The following ATP9B variants were observed in gnomAD, a reference collection of about 807,000 sequenced individuals.
The protein encoded by ATP9B is ATPase phospholipid transporting 9B.
A neutral mutation model predicts 146.1 loss-of-function variants in ATP9B; 110 were observed. That is an observed-to-expected ratio of 0.75 (90% CI 0.65 to 0.88). The LOEUF (loss-of-function observed/expected upper bound fraction) is 0.88. Among genes scored for constraint, ATP9B ranks in the 40% least tolerant of loss-of-function variants. The pLI, the probability that ATP9B is intolerant of heterozygous loss-of-function variation, is 0.00. For missense variants in ATP9B, 1,499 were observed against 1,496.4 expected, an observed-to-expected ratio of 1.00 and a Z score of -0.03; for synonymous variants, 604 against 569.7, an observed-to-expected ratio of 1.06 and a Z score of -0.86.
At chr18:79,360,306 T>A (rs556590908) in intron 26 of ATP9B, 1 of 152,318 alleles carries the variant, frequency 6.6e-6, no homozygotes, top group South Asian at 2.1e-4. Context: ...AAATGACAGG[T>A]GTCTGAAATT....
At chr18:79,232,557 C>T (rs978630498) in intron 11 of ATP9B, among the ~76,000 whole-genome samples, 3 of 152,204 alleles carry the variant, frequency 2.0e-5, no homozygotes, top group African/African-American at 7.2e-5. Context: ...TTATCTCATA[C>T]ATCATATCCA....
chr18:79,204,169 G>A (rs1368574288), intron 9 of ATP9B, among the ~76,000 whole-genome samples: 1 of 152,106 alleles, frequency 6.6e-6, no homozygotes, highest in African/African-American at 2.4e-5. Context: ...GTAAACAAAA[G>A]GCAGTTTCCA....
intron 7 of ATP9B, among the ~76,000 whole-genome samples, chr18:79,168,268 G>A (rs2095012431): frequency 2.6e-5 from 4 of 152,214 alleles, no homozygotes; most frequent in South Asian, 2.1e-4. Context: ...CAGGGGGTCC[G>A]TGGCTGCATC....
At chr18:79,266,066 C>T (rs1471453854) in intron 12 of ATP9B, among the ~76,000 whole-genome samples, 2 of 152,172 alleles carry the variant, frequency 1.3e-5, no homozygotes, top group East Asian at 1.9e-4. Context: ...AGTCTTAGTT[C>T]TGGGTTCTCT....
intron 1 of ATP9B, chr18:79,086,555 G>T (rs890986357): frequency 3.3e-5 from 5 of 149,680 alleles, no homozygotes; most frequent in Non-Finnish European, 5.9e-5. Context: ...TGAAGACAGA[G>T]TTGATAGTAG....
chr18:79,368,325 A>C (rs1418715630), intron 26 of ATP9B, among the ~76,000 whole-genome samples: 1 of 152,228 alleles, frequency 6.6e-6, no homozygotes, highest in African/African-American at 2.4e-5. Flanking sequence ...TGGAAGGTCG[A>C]GGCTGCGGTG....
chr18:79,202,471 C>T (rs1398901492), intron 9 of ATP9B, among the ~76,000 whole-genome samples: 1 of 152,050 alleles, frequency 6.6e-6, no homozygotes, highest in Non-Finnish European at 1.5e-5. Context: ...AAAATACTCT[C>T]CTTCAAAAAA....
intron 25 of ATP9B, among the ~76,000 whole-genome samples, chr18:79,359,057 C>G (rs902538740): frequency 1.3e-5 from 2 of 152,034 alleles, no homozygotes. Flanking sequence ...CATAAGATCT[C>G]GGTGCTATTC....
chr18:79,362,073 C>T (rs1568826721), intron 26 of ATP9B: 1 of 152,246 alleles, frequency 6.6e-6, no homozygotes, highest in Non-Finnish European at 1.5e-5. Flanking sequence ...AGTTCTGAGT[C>T]ACATATCTCA....
chr18:79,274,369 CA>C (rs35941546), intron 12 of ATP9B, among the ~76,000 whole-genome samples: 1 of 152,144 alleles, frequency 6.6e-6, no homozygotes, highest in Non-Finnish European at 1.5e-5. Flanking sequence ...TATTAACAAT[CA>C]AAGTACATGT....
intron 2 of ATP9B, among the ~76,000 whole-genome samples, chr18:79,102,018 T>C (rs1425190911): frequency 6.6e-6 from 1 of 152,170 alleles, no homozygotes; most frequent in Admixed American, 6.5e-5. Flanking sequence ...CGATCTTGGC[T>C]CACTGCAACT....
intron 7 of ATP9B, among the ~76,000 whole-genome samples, chr18:79,155,051 T>G (rs1329482327): frequency 6.6e-6 from 1 of 152,236 alleles, no homozygotes; most frequent in Non-Finnish European, 1.5e-5. Flanking sequence ...TACTTAAAAT[T>G]TGATGGCTAT....
intron 11 of ATP9B, among the ~76,000 whole-genome samples, chr18:79,220,254 A>G (rs1300497079): frequency 6.6e-6 from 1 of 152,222 alleles, no homozygotes; most frequent in African/African-American, 2.4e-5. Context: ...ACACTGGATT[A>G]TCTAAAATTA....
chr18:79,168,783 C>T (rs1467833445), intron 7 of ATP9B, among the ~76,000 whole-genome samples: 1 of 152,126 alleles, frequency 6.6e-6, no homozygotes, highest in African/African-American at 2.4e-5. Flanking sequence ...AATTCCATTA[C>T]TCCTTCCTTA....
intron 9 of ATP9B, among the ~76,000 whole-genome samples, chr18:79,205,948 T>TC (rs1248765131): frequency 6.6e-6 from 1 of 152,198 alleles, no homozygotes; most frequent in East Asian, 1.9e-4. Flanking sequence ...TACTTTTTTT[T>TC]TTTTTTCTTT....
At chr18:79,089,721 T>A (rs924074806) in intron 1 of ATP9B, among the ~76,000 whole-genome samples, 13 of 152,236 alleles carry the variant, frequency 8.5e-5, no homozygotes. Context: ...TGGAATCGGG[T>A]AATTGGGATA....
intron 11 of ATP9B, among the ~76,000 whole-genome samples, chr18:79,249,528 A>G (rs911017374): frequency 6.6e-6 from 1 of 152,222 alleles, no homozygotes; most frequent in Non-Finnish European, 1.5e-5. Context: ...TCAAGTGATT[A>G]ATATATTTTA....
chr18:79,081,606 A>T (rs1459579268), intron 1 of ATP9B, among the ~76,000 whole-genome samples: 1 of 149,058 alleles, frequency 6.7e-6, no homozygotes, highest in African/African-American at 2.5e-5. Flanking sequence ...ACTGAAGGAG[A>T]TAGAGACACG....
intron 2 of ATP9B, among the ~76,000 whole-genome samples, chr18:79,098,303 A>T (rs1462072006): frequency 1.3e-5 from 2 of 150,164 alleles, no homozygotes; most frequent in Non-Finnish European, 3.0e-5. Context: ...AGGCATTACC[A>T]TTCAGGACAT....
Sources: allele counts gnomAD v4.1 joint callset (sites outside exome capture counted in the v4.1 genomes callset), GRCh38; gene constraint gnomAD v4.1.1; transcripts MANE v1.5; gene names NCBI Gene and HGNC (gene_info 2026-07-23, HGNC 2026-07-21).